Variants in FHIP1B observed in about 807,000 individuals in gnomAD.
FHIP1B encodes the protein FHF complex subunit HOOK interacting protein 1B.
A neutral mutation model predicts 82.2 loss-of-function variants in FHIP1B; 28 were observed. That is an observed-to-expected ratio of 0.34 (90% confidence interval 0.25 to 0.47). The LOEUF (loss-of-function observed/expected upper bound fraction) is 0.47, where lower values mean the gene tolerates loss of function less well. FHIP1B is among the 20% of genes least tolerant of loss of function. The pLI is 1.00. For synonymous variants in FHIP1B, 585 were observed against 516.1 expected, an observed-to-expected ratio of 1.13 and a Z score of -1.81; for missense variants, 1,110 against 1,262.6, an observed-to-expected ratio of 0.88 and a Z score of 1.83.
chr11:6,230,790 G>A (rs1847677866), intron 1 of FHIP1B, among the ~76,000 whole-genome samples: 1 of 152,240 alleles, frequency 6.6e-6, no homozygotes, highest in Non-Finnish European at 1.5e-5. Flanking sequence ...AAAGTTCACT[G>A]GGCAGAGAAG....
At chr11:6,232,405 C>T (rs186581402) in intron 1 of FHIP1B, among the ~76,000 whole-genome samples, 1 of 152,344 alleles carries the variant, frequency 6.6e-6, no homozygotes, top group Admixed American at 6.5e-5. Flanking sequence ...CCCTATGTCA[C>T]TCTCACAGTC....
intron 6 of FHIP1B, 106 bp from the exon 7 acceptor site, chr11:6,219,156 C>T: frequency 1.3e-6 from 1 of 763,788 alleles, no homozygotes; most frequent in Non-Finnish European, 2.3e-6. Context: ...CAACCAACCA[C>T]TCCTAGAGGA....
At chr11:6,226,209 A>G (rs543453831) in intron 1 of FHIP1B, among the ~76,000 whole-genome samples, 19 of 152,292 alleles carry the variant, frequency 1.2e-4, no homozygotes, top group Admixed American at 1.2e-3. Context: ...TTTCCAGCTC[A>G]CAACTAAAGG....
At chr11:6,217,283 A>G (rs770556663) in intron 9 of FHIP1B, 88 bp downstream of exon 9, 3 of 1,232,690 alleles carry the variant, frequency 2.4e-6, no homozygotes, top group Non-Finnish European at 3.5e-6. Context: ...CAGAAATGAC[A>G]TGGCCAAGAG....
intron 6 of FHIP1B, among the ~76,000 whole-genome samples, chr11:6,220,080 T>G (rs1382244659): frequency 1.3e-5 from 2 of 152,130 alleles, no homozygotes; most frequent in Admixed American, 6.5e-5. Context: ...ACCCTAAAAA[T>G]ATTTCACCTC....
At position 6,214,396 on chromosome 11, in the gene FHIP1B, T is replaced by C; in HGVS notation, c.2557+15A>G. 1 of 1,593,900 alleles carries C rather than the reference T, an allele frequency of 6.3e-7. No individual in the cohort carries two copies. Among genetic ancestry groups the C allele is most frequent in the Non-Finnish European group, 8.6e-7 (1 of 1,168,406 alleles). On this transcript the variant is annotated intron_variant, in intron 11 of 11. Transcript: ENST00000449352. The stretch of plus-strand genomic sequence containing the variant: ...CTAGGGAGGGCAGGTACGGGTGTGG[T>C]GGGATAGGCCTCACCTAGGGGATCA...
At chr11:6,214,281 C>T in intron 11 of FHIP1B, 130 bp downstream of exon 11, 2 of 1,120,906 alleles carry the variant, frequency 1.8e-6, no homozygotes, top group Non-Finnish European at 2.5e-6. Flanking sequence ...TGAGAACAAA[C>T]ATGAAGACTC....
chr11:6,223,563 C>G lies in FHIP1B; in HGVS notation c.777+47G>C, dbSNP rs1217174173. On this transcript the variant is annotated intron_variant, in intron 3 of 11. Transcript: ENST00000449352. This position sits in a 1 kb window ranked among gnomAD's most constrained non-coding sequence, Gnocchi z 4.8. ...ATCTCCTGGATAGGAAGGTGCTGTT[C>G]AGTATCTACACACCACACCCTACCC... 6.6e-7 allele frequency: 1 copy of G among 1,526,230 alleles called. No homozygotes were observed. The allele number at this position is 1,526,230 out of a possible 1,614,324, so 94.5% of individuals were successfully genotyped here.
In FHIP1B at chr11:6,223,539, T is replaced by C; in HGVS notation, c.777+71A>G. The C allele has an allele frequency of 6.7e-7, 1 of 1,497,540 alleles. No homozygotes were observed. Among genetic ancestry groups the C allele is most frequent in the Non-Finnish European group, 9.0e-7 (1 of 1,116,922 alleles). 92.8% of individuals were successfully genotyped at this position (1,497,540 alleles called of 1,614,324 possible). On this transcript the variant is annotated intron_variant, in intron 3 of 11. Transcript: ENST00000449352. This position sits in a 1 kb window ranked among gnomAD's most constrained non-coding sequence, Gnocchi z 4.8. ...GGCCCTGGAACATAGCCTCTCCCCA[T>C]CTCCTGGATAGGAAGGTGCTGTTCA...
chr11:6,232,523 G>C (rs953858245), intron 1 of FHIP1B, among the ~76,000 whole-genome samples: 1 of 152,172 alleles, frequency 6.6e-6, no homozygotes, highest in Non-Finnish European at 1.5e-5. Flanking sequence ...CTCTCACTCT[G>C]AGACAAAATT....
Position 6,213,700 on chromosome 11 carries a change from A to G in FHIP1B, c.2557+711T>C, listed in dbSNP as rs571873475. On this transcript the variant is annotated intron_variant, in intron 11 of 11. Coordinates refer to ENST00000449352, the MANE Select transcript of FHIP1B (RefSeq NM_001098794.2). ...TTCCTCCTTCCTTATACCACTCACC[A>G]AACTCCACCAACACTTCCTTCTCAT... 1.1e-4 allele frequency among the ~76,000 whole-genome samples: 16 copies of G among 152,168 alleles called. No homozygotes were observed. The South Asian group carries it at 3.1e-3, about 30-fold the overall frequency.
rs1354825315 is a variant in FHIP1B, at chr11:6,211,694, C to T, written c.2731G>A (p.Ala911Thr). The T allele has an allele frequency of 1.2e-6, 2 of 1,614,132 alleles. No homozygotes were observed. Among genetic ancestry groups the T allele is most frequent in the Admixed American group, 1.7e-5 (1 of 60,004 alleles). The stretch of plus-strand genomic sequence containing the variant: ...AGAGCCTCACCTTGGCGTTCAGGGG[C>T]CCCGCCCCGGGTGAGTAGAACTGGA... Reference protein sequence around the residue: ...STPVLLTRGGAPERQGEALRV... With the variant: ...STPVLLTRGGTPERQGEALRV... The change falls in exon 12 of 12, where the codon GCC (alanine) becomes ACC (threonine). Residue 911 changes from alanine to threonine, a missense_variant. Physicochemically the swap from Ala to Thr is moderately conservative, Grantham distance 58. Around this residue, in one of 6 missense-constraint regions of FHIP1B, gnomAD observed 147 missense variants for 154.0 expected, o/e 0.95. Transcript: ENST00000449352.
intron 9 of FHIP1B, among the ~76,000 whole-genome samples, chr11:6,215,893 C>T (rs1290874983): frequency 6.6e-6 from 1 of 152,110 alleles, no homozygotes; most frequent in African/African-American, 2.4e-5. Flanking sequence ...GGGAGTGAAT[C>T]CTGAAAAAGA....
At position 6,214,745 on chromosome 11, in the gene FHIP1B, C is replaced by A; in HGVS notation, c.2382G>T (p.Lys794Asn). 6.3e-7 allele frequency: 1 copy of A among 1,582,242 alleles called. No individual in the cohort carries two copies. Among genetic ancestry groups the A allele is most frequent in the South Asian group, 1.2e-5 (1 of 86,922 alleles). Residue 794 changes from lysine to asparagine, a missense_variant, in exon 10 of 12, where the codon AAG becomes AAT. Around this residue, in one of 6 missense-constraint regions of FHIP1B, gnomAD observed 39 missense variants for 79.6 expected, o/e 0.49. Transcript: ENST00000449352. ...NTNMVFQPSV[K>N]SLLQVLGSVK... ...ATGCATCGCACACCTGCAGCAGGGA[C>A]TTGACACTGGGCTGGAAGACCATGT... is the stretch of plus-strand genomic sequence containing the variant.
Position 6,221,060 on chromosome 11 carries a change from G to A in FHIP1B, c.1191+1382C>T, listed in dbSNP as rs149865622. 7.5e-4 allele frequency among the ~76,000 whole-genome samples: 114 copies of A among 152,290 alleles called. 1 individual carries two copies. Among genetic ancestry groups the A allele is most frequent in the African/African-American group, 2.6e-3 (109 of 41,568 alleles). ...CTCCCAAAGATTCACGAAATCTGAG[G>A]TAGAGCTCAGAATCTGTTGTAGTTG... On this transcript the variant is annotated intron_variant, in intron 6 of 11. Coordinates refer to ENST00000449352, the MANE Select transcript of FHIP1B (RefSeq NM_001098794.2).
chr11:6,216,018 G>A (rs1046546702), intron 9 of FHIP1B, among the ~76,000 whole-genome samples: 3 of 151,992 alleles, frequency 2.0e-5, no homozygotes, highest in African/African-American at 7.3e-5. Context: ...TCATTTCCTG[G>A]AAGTTTCTTG....
chr11:6,218,872 A>T, intron 7 of FHIP1B, 99 bp downstream of exon 7: 2 of 1,564,946 alleles, frequency 1.3e-6, no homozygotes, highest in Non-Finnish European at 1.8e-6. Flanking sequence ...CTCCAAGTGG[A>T]AACTCATGAG....
chr11:6,214,903 T>G lies in FHIP1B; in HGVS notation c.2224A>C (p.Met742Leu). ...TCGAGTTTGGCAAAGAGCACAGCCA[T>G]GAAGGGGCCTGGGTTGGGGGGGAGG... ...LPSQPFTGPF[M>L]AVLFAKLENM... Residue 742 changes from methionine to leucine, a missense_variant, in exon 10 of 12, where the codon ATG (methionine) becomes CTG (leucine). Physicochemically the swap from Met to Leu is conservative, Grantham distance 15. Coordinates refer to ENST00000449352, the MANE Select transcript of FHIP1B (RefSeq NM_001098794.2). 6.3e-7 allele frequency: 1 copy of G among 1,579,142 alleles called. No homozygotes were observed. Among genetic ancestry groups the G allele is most frequent in the Non-Finnish European group, 8.6e-7 (1 of 1,160,202 alleles).
chr11:6,232,594 A>C (rs1282184307), intron 1 of FHIP1B, among the ~76,000 whole-genome samples: 1 of 152,214 alleles, frequency 6.6e-6, no homozygotes, highest in Admixed American at 6.5e-5. Flanking sequence ...TTAATTTCTC[A>C]TCTATAAAAT....
Sources: allele counts gnomAD v4.1 joint callset (sites outside exome capture counted in the v4.1 genomes callset), GRCh38; gene constraint gnomAD v4.1.1; regional missense constraint gnomAD v4.1.1; non-coding constraint Gnocchi (gnomAD v3.1); transcripts MANE v1.5; gene names NCBI Gene and HGNC (gene_info 2026-07-23, HGNC 2026-07-21).